Variants in AFF4 observed in about 807,000 individuals in gnomAD.
AFF4 encodes the protein AF4/FMR2 family member 4.
AFF4 carries 13 observed loss-of-function variants against 124.8 expected under a neutral mutation model. The ratio of observed to expected loss-of-function variants is 0.10; its 90% CI spans 0.07 to 0.17. The LOEUF (loss-of-function observed/expected upper bound fraction) is 0.17, where lower values mean the gene tolerates loss of function less well. AFF4 is among the 10% of genes least tolerant of loss of function. AFF4 has a pLI of 1.00. For synonymous variants in AFF4, 477 were observed against 496.1 expected (o/e 0.96, Z 0.51); for missense variants, 1,092 against 1,403.8 (o/e 0.78, Z 3.55).
chr5:132,899,282 A>C (rs949361798), intron 8 of AFF4, 141 bp from the exon 9 acceptor site: 15 of 763,000 alleles, frequency 2.0e-5, no homozygotes, highest in Admixed American at 3.0e-5. Flanking sequence ...TACTGTTTTT[A>C]CCTGAAGAGT....
At chr5:132,885,727 T>G (rs1293472026) in intron 18 of AFF4, among the ~76,000 whole-genome samples, 2 of 152,102 alleles carry the variant, frequency 1.3e-5, no homozygotes, top group Non-Finnish European at 2.9e-5. Context: ...GAAAATCTTT[T>G]AGGAAACTAA....
intron 5 of AFF4, among the ~76,000 whole-genome samples, chr5:132,916,837 T>C (rs1278659436): frequency 6.6e-6 from 1 of 152,010 alleles, no homozygotes; most frequent in African/African-American, 2.4e-5. Flanking sequence ...TTCAGCACTA[T>C]AAAAAAATAC....
intron 5 of AFF4, among the ~76,000 whole-genome samples, chr5:132,920,597 T>C (rs1368957549): frequency 1.3e-5 from 2 of 152,008 alleles, no homozygotes; most frequent in African/African-American, 2.4e-5. Context: ...TCAAGTGATC[T>C]ACCCACCTTG....
chr5:132,962,231 T>C (rs1337678905), intron 1 of AFF4, among the ~76,000 whole-genome samples: 2 of 152,244 alleles, frequency 1.3e-5, no homozygotes, highest in Non-Finnish European at 2.9e-5. Context: ...CTTTGCGCTT[T>C]TCATATCTGA....
chr5:132,931,337 A>G (rs59759452), intron 4 of AFF4, among the ~76,000 whole-genome samples: 20,732 of 152,090 alleles, frequency 0.14, 1,543 homozygotes, highest in Middle Eastern at 0.2. Context: ...GCTGAGGCAC[A>G]AGAATTGCTT....
At chr5:132,894,954 AAAGT>A (rs1219599696) in intron 11 of AFF4, among the ~76,000 whole-genome samples, 1 of 152,198 alleles carries the variant, frequency 6.6e-6, no homozygotes, top group Non-Finnish European at 1.5e-5. Context: ...CCTGTCTCTA[AAAGT>A]AAGAAAAATA....
In AFF4 at chr5:132,878,627, AT is replaced by A; in HGVS notation, c.*2431del. 4.4e-6 allele frequency: 1 copy of A among 229,060 alleles called. No homozygotes were observed. The highest frequency in any genetic ancestry group is 2.2e-5 in the African/African-American group (1 of 45,148). The allele number at this position is 229,060 out of a possible 1,614,324, so 14.2% of individuals were successfully genotyped here. A position where few individuals can be genotyped will look rare whatever the true frequency, so the allele number is the denominator to read the frequency against. On this transcript the variant is annotated 3_prime_UTR_variant, in exon 21 of 21. Coordinates refer to ENST00000265343, the MANE Select transcript of AFF4 (RefSeq NM_014423.4). ...TGAAAATTCAATCATTTATGATAGG[AT>A]TTTGATCCATTGCCCATTACTACCT...
At chr5:132,901,222 C>T in intron 7 of AFF4, 1 of 922,668 alleles carries the variant, frequency 1.1e-6, no homozygotes, top group Non-Finnish European at 1.3e-6. Context: ...GTGAATATGT[C>T]AAAGCTTTTA....
At chr5:132,927,265 C>A in intron 4 of AFF4, 58 bp from the exon 5 acceptor site, 1 of 1,433,112 alleles carries the variant, frequency 7.0e-7, no homozygotes, top group South Asian at 1.2e-5. Context: ...AATTATACAG[C>A]TAAAAACCAG....
chr5:132,937,047 T>C lies in AFF4; in HGVS notation c.123+20A>G. ...ATGTCATGCTAATGGGAAAAAAACA[T>C]TCACAGAAGGGCAACTTACAACTTT... On this transcript the variant is annotated intron_variant, in intron 2 of 20. Transcript: ENST00000265343. 6.3e-7 allele frequency: 1 copy of C among 1,583,004 alleles called. No homozygotes were observed. The highest frequency in any genetic ancestry group is 2.3e-5 in the East Asian group (1 of 44,204).
chr5:132,881,331 G>T, intron 20 of AFF4, 145 bp from the exon 21 acceptor site: 1 of 847,104 alleles, frequency 1.2e-6, no homozygotes, highest in Non-Finnish European at 1.8e-6. Flanking sequence ...ATGTTTTAGA[G>T]CAAATCATTC....
rs1372518567 is a variant in AFF4, at chr5:132,891,570, G to GA, written c.2637+593dup. Among the ~76,000 whole-genome samples, 8 of 152,252 alleles carry GA rather than the reference G, an allele frequency of 5.3e-5. No homozygotes were observed. In the South Asian group the frequency reaches 1.7e-3, roughly 32 times the overall value. On this transcript the variant is annotated intron_variant, in intron 13 of 20. Transcript: ENST00000265343. Reference sequence around the variant, plus strand: ...GTGAGTATCCTAGGAATAATAATTAGAAATAATTTCAGTGCTAACTTAGCT... The same window carrying GA: ...GTGAGTATCCTAGGAATAATAATTAGAAAATAATTTCAGTGCTAACTTAGCT...
rs909718259 is a variant in AFF4 at position 132,901,225 on chromosome 5, A to T, written c.1133+1217T>A. On this transcript the variant is annotated intron_variant, in intron 7 of 20. Transcript: ENST00000265343. ...TTGTTTACACATGTGAATATGTCAAAGCTTTTACCAGACTGCTCAGGGCCC... is the reference window on the plus strand; with the variant it reads ...TTGTTTACACATGTGAATATGTCAATGCTTTTACCAGACTGCTCAGGGCCC... 3.4e-6 allele frequency: 3 copies of T among 891,964 alleles called. No homozygotes were observed. In the African/African-American group the frequency reaches 5.4e-5, roughly 16 times the overall value. The allele number at this position is 891,964 out of a possible 1,614,324, so 55.3% of individuals were successfully genotyped here.
intron 5 of AFF4, among the ~76,000 whole-genome samples, chr5:132,924,525 G>C (rs1761124839): frequency 6.6e-6 from 1 of 152,104 alleles, no homozygotes; most frequent in South Asian, 2.1e-4. Context: ...TCCTAATTAT[G>C]GTGGTGGTTA....
In AFF4 at chr5:132,896,452, T is replaced by A; in HGVS notation, c.2178A>T (p.Ile726=). 6.2e-7 allele frequency: 1 copy of A among 1,614,212 alleles called. No individual in the cohort carries two copies. Among genetic ancestry groups the A allele is most frequent in the Non-Finnish European group, 8.5e-7 (1 of 1,180,034 alleles). The stretch of plus-strand genomic sequence containing the variant: ...CTGTTTCTTTGTAAGGCTTTCCTGG[T>A]ATTCTAGTCAAAAGATTCAGGTCAA... The part of the protein sequence containing the change: ...VKIDLNLLTR[I]PGKPYKETEP... The change falls in exon 11 of 21, where the codon ATA becomes ATT. Residue 726 remains isoleucine, a synonymous_variant. Transcript: ENST00000265343.
At chr5:132,918,580 C>T (rs1385511966) in intron 5 of AFF4, among the ~76,000 whole-genome samples, 7 of 150,592 alleles carry the variant, frequency 4.6e-5, no homozygotes, top group Non-Finnish European at 8.9e-5. Context: ...GAGAATCGCT[C>T]GAACCCAGGA....
intron 1 of AFF4, among the ~76,000 whole-genome samples, chr5:132,959,834 G>C (rs1325025071): frequency 7.6e-6 from 1 of 130,794 alleles, no homozygotes; most frequent in Non-Finnish European, 1.5e-5. Flanking sequence ...GTGCGATCTC[G>C]ACTCACTGCA....
At chr5:132,963,114 G>A (rs1292441140) in intron 1 of AFF4, 145 bp downstream of exon 1, 4 of 333,474 alleles carry the variant, frequency 1.2e-5, no homozygotes, top group African/African-American at 8.5e-5. Context: ...GATGAGAGGA[G>A]GGGTGACGCC....
intron 5 of AFF4, among the ~76,000 whole-genome samples, chr5:132,915,568 GTTTTTTT>G (rs34458324): frequency 8.1e-6 from 1 of 122,998 alleles, no homozygotes; most frequent in African/African-American, 3.1e-5. Flanking sequence ...TTTTTTTTGG[GTTTTTTT>G]TTTTTTTTTT....
Sources: allele counts gnomAD v4.1 joint callset (sites outside exome capture counted in the v4.1 genomes callset), GRCh38; gene constraint gnomAD v4.1.1; transcripts MANE v1.5; gene names NCBI Gene and HGNC (gene_info 2026-07-23, HGNC 2026-07-21).